The following CCKAR variants were observed in gnomAD, a reference collection of about 807,000 sequenced individuals.
CCKAR encodes the protein cholecystokinin receptor type A.
In CCKAR, 21 loss-of-function variants were observed where a neutral mutation model predicts 29.8. The ratio of observed to expected loss-of-function variants is 0.70; its 90% confidence interval spans 0.50 to 1.01. The LOEUF is 1.01. Among genes scored for constraint, CCKAR ranks in the 50% least tolerant of loss-of-function variants. The probability of loss-of-function intolerance (pLI) is 0.00; values close to 1 mark genes in which losing one functional copy is unlikely to be tolerated. For missense variants in CCKAR, 570 were observed against 560.6 expected (o/e 1.02, Z -0.17); for synonymous variants, 238 against 221.3 (o/e 1.08, Z -0.67).
chr4:26,481,902 G>A lies in CCKAR; in HGVS notation c.1023C>T (p.Ala341=). ...TTCCTGAGAGGCGGCGCTCTGCGGA[G>A]GCGGTGTCGTAGGCCCGCCAGGCGT... ...SANAWRAYDT[A]SAERRLSGTP... is the part of the protein sequence containing the mutation. The change falls in exon 5 of 5, where the codon GCC becomes GCT. Residue 341 remains alanine (A), a synonymous_variant. Coordinates refer to ENST00000295589, the MANE Select transcript of CCKAR (RefSeq NM_000730.3). 1 of 1,614,248 alleles carries A rather than the reference G, an allele frequency of 6.2e-7. No homozygotes were observed. Among genetic ancestry groups the A allele is most frequent in the Non-Finnish European group, 8.5e-7 (1 of 1,180,048 alleles).
chr4:26,482,285 G>T, intron 4 of CCKAR, 115 bp from the exon 5 acceptor site: 1 of 940,104 alleles, frequency 1.1e-6, no homozygotes, highest in Non-Finnish European at 1.6e-6. Context: ...CTGAGAAATG[G>T]CAGACAACCT....
At chr4:26,482,517 A>C (rs1247612269) in intron 4 of CCKAR, among the ~76,000 whole-genome samples, 1 of 152,204 alleles carries the variant, frequency 6.6e-6, no homozygotes, top group Non-Finnish European at 1.5e-5. Context: ...GATTGCTTTT[A>C]TGATGAGGAA....
In CCKAR at chr4:26,490,294, C is replaced by G; in HGVS notation, c.-27G>C. On this transcript the variant is annotated 5_prime_UTR_variant, in exon 1 of 5. Coordinates refer to ENST00000295589, the MANE Select transcript of CCKAR (RefSeq NM_000730.3). Reference sequence around the variant, plus strand: ...CTTGCCTGCTGCTTTCCACCAAGTGCTGGAGAGCTGGTGAATTGCTCACTC... The same window carrying G: ...CTTGCCTGCTGCTTTCCACCAAGTGGTGGAGAGCTGGTGAATTGCTCACTC... The G allele has an allele frequency of 7.0e-7, 1 of 1,436,924 alleles. No homozygotes were observed. Among genetic ancestry groups the G allele is most frequent in the Non-Finnish European group, 9.8e-7 (1 of 1,019,378 alleles). 89.0% of individuals were successfully genotyped at this position (1,436,924 alleles called of 1,614,324 possible).
chr4:26,489,617 C>T, intron 1 of CCKAR, 133 bp from the exon 2 acceptor site: 1 of 926,646 alleles, frequency 1.1e-6, no homozygotes. Flanking sequence ...CGATTCCTGT[C>T]CTGGCAACAT....
chr4:26,484,398 C>T (rs567146652), intron 3 of CCKAR, among the ~76,000 whole-genome samples: 86 of 152,128 alleles, frequency 5.7e-4, no homozygotes, highest in Non-Finnish European at 1.1e-3. Flanking sequence ...TGTCTAGTTC[C>T]CTGCTTCTAA....
rs1737535686 is a variant in CCKAR, at chr4:26,490,407, T to G, written c.-140A>C. The G allele has an allele frequency of 1.6e-6, 1 of 622,502 alleles. No individual in the cohort carries two copies. 38.6% of individuals were successfully genotyped at this position (622,502 alleles called of 1,614,324 possible). ...AGGGAGTGATTTCCAGGTGTGGGCT[T>G]TTTCAGCCATTCCTAAAGGCGACTT... On this transcript the variant is annotated 5_prime_UTR_variant, in exon 1 of 5. Transcript: ENST00000295589.
In CCKAR at chr4:26,481,772, A is replaced by G. The variant is rs1577705559; in HGVS notation, c.1153T>C (p.Phe385Leu). Residue 385 changes from phenylalanine to leucine, a missense_variant, in exon 5 of 5, where the codon TTC becomes CTC. Coordinates refer to ENST00000295589, the MANE Select transcript of CCKAR (RefSeq NM_000730.3). ...KRFRLGFMAT[F>L]PCCPNPGPPG... is the part of the protein sequence containing the mutation. Reference sequence around the variant, plus strand: ...GGACCAGGATTGGGGCAGCAGGGGAAGGTGGCCATGAAGCCGAGGCGGAAG... The same window carrying G: ...GGACCAGGATTGGGGCAGCAGGGGAGGGTGGCCATGAAGCCGAGGCGGAAG... 1 of 1,614,056 alleles carries G rather than the reference A, an allele frequency of 6.2e-7. No individual in the cohort carries two copies.
At chr4:26,489,039 C>T (rs149858248) in intron 2 of CCKAR, among the ~76,000 whole-genome samples, 194 bp downstream of exon 2, 6 of 152,002 alleles carry the variant, frequency 3.9e-5, no homozygotes, top group Admixed American at 2.0e-4. Flanking sequence ...TGATGGGGAC[C>T]GACTTGTGGG....
intron 3 of CCKAR, among the ~76,000 whole-genome samples, chr4:26,483,559 A>T (rs1407069758): frequency 2.0e-5 from 3 of 152,254 alleles, no homozygotes; most frequent in Non-Finnish European, 4.4e-5. Context: ...TATGAAAAAG[A>T]ATGTAAGCTT....
chr4:26,483,508 G>A (rs879441261), intron 3 of CCKAR, among the ~76,000 whole-genome samples: 6 of 152,080 alleles, frequency 3.9e-5, no homozygotes, highest in Non-Finnish European at 8.8e-5. Context: ...TAGTTTAATT[G>A]GAAAAGTTTG....
Position 26,481,888 on chromosome 4 carries a change from C to G in CCKAR, c.1037G>C (p.Arg346Pro). The change falls in exon 5 of 5, where the codon CGC becomes CCC. Residue 346 changes from arginine to proline, a missense_variant. Coordinates refer to ENST00000295589, the MANE Select transcript of CCKAR (RefSeq NM_000730.3). ...RAYDTASAER[R>P]LSGTPISFIL... ...GAAGGAAATGGGGGTTCCTGAGAGG[C>G]GGCGCTCTGCGGAGGCGGTGTCGTA... The G allele has an allele frequency of 6.2e-7, 1 of 1,614,134 alleles. No homozygotes were observed. The highest frequency in any genetic ancestry group is 8.5e-7 in the Non-Finnish European group (1 of 1,179,984).
Position 26,485,791 on chromosome 4 carries a change from C to A in CCKAR, c.472G>T (p.Ala158Ser), listed in dbSNP as rs375783154. ...QSRVWQTKSHALKVIAATWCL... is the reference protein window; with the variant it reads ...QSRVWQTKSHSLKVIAATWCL... ...CAGGTAGCAGCAATCACCTTCAAAG[C>A]ATGGGATTTTGTCTGCCAGACCCGG... The change falls in exon 3 of 5, where the codon GCT becomes TCT. Residue 158 changes from alanine to serine, a missense_variant. Ala to Ser is a moderately conservative substitution (Grantham distance 99). Transcript: ENST00000295589. 3.7e-6 allele frequency: 6 copies of A among 1,613,984 alleles called. 1 individual carries two copies. Among genetic ancestry groups the A allele is most frequent in the Non-Finnish European group, 5.1e-6 (6 of 1,180,022 alleles).
chr4:26,482,070 C>T lies in CCKAR; in HGVS notation c.855G>A (p.Leu285=). The change falls in exon 5 of 5, where the codon CTG becomes CTA. Residue 285 remains leucine (L), a synonymous_variant. Transcript: ENST00000295589. ...RPPRKLELRQ[L]STGSSSRANR... ...TGGCCCTGCTGCTGCTGCCGGTGGA[C>T]AGCTGCCGGAGCTCCAGCTTCCTCG... 1.2e-6 allele frequency: 2 copies of T among 1,614,214 alleles called. No individual in the cohort carries two copies.
Position 26,489,261 on chromosome 4 carries a change from G to T in CCKAR, c.336C>A (p.Ala112=). ...TGAAGTAGGTGGTGGTCTTGCAAAC[G>T]GCGCTCCCGAAGATGAAATCCTTGA... ...NLLKDFIFGS[A]VCKTTTYFMG... The change falls in exon 2 of 5, where the codon GCC becomes GCA. Residue 112 remains alanine, a synonymous_variant. Transcript: ENST00000295589. 6.2e-7 allele frequency: 1 copy of T among 1,614,104 alleles called. No homozygotes were observed. The highest frequency in any genetic ancestry group is 8.5e-7 in the Non-Finnish European group (1 of 1,180,024).
rs1329261089 is a variant in CCKAR, at chr4:26,481,451, T to C, written c.*187A>G. 1 of 653,502 alleles carries C rather than the reference T, an allele frequency of 1.5e-6. No individual in the cohort carries two copies. The highest frequency in any genetic ancestry group is 2.6e-6 in the Non-Finnish European group (1 of 379,938). The allele number at this position is 653,502 out of a possible 1,614,324, so 40.5% of individuals were successfully genotyped here. The stretch of plus-strand genomic sequence containing the variant: ...CTTTGAACTGCCTAGAAACCAATCA[T>C]GGCCCCACTGGAGCAGTGCTCTGGA... On this transcript the variant is annotated 3_prime_UTR_variant, in exon 5 of 5. Transcript: ENST00000295589.
chr4:26,484,820 T>A (rs1233051846), intron 3 of CCKAR, among the ~76,000 whole-genome samples: 3 of 139,908 alleles, frequency 2.1e-5, no homozygotes, highest in Non-Finnish European at 3.0e-5. Flanking sequence ...GGCGGGAGGA[T>A]CACTTGAGCC....
chr4:26,481,527 G>T lies in CCKAR; in HGVS notation c.*111C>A. On this transcript the variant is annotated 3_prime_UTR_variant, in exon 5 of 5. Transcript: ENST00000295589. Reference sequence around the variant, plus strand: ...CCTTGAAGAGTTCCCACTGGAGATGGAGCCTTCCTTCTCCATCAGCTCTGC... The same window carrying T: ...CCTTGAAGAGTTCCCACTGGAGATGTAGCCTTCCTTCTCCATCAGCTCTGC... 1.7e-6 allele frequency: 2 copies of T among 1,185,096 alleles called. No individual in the cohort carries two copies. Among genetic ancestry groups the T allele is most frequent in the Non-Finnish European group, 2.5e-6 (2 of 815,410 alleles). The allele number at this position is 1,185,096 out of a possible 1,614,324, so 73.4% of individuals were successfully genotyped here.
chr4:26,485,192 C>T (rs1206259321), intron 3 of CCKAR, among the ~76,000 whole-genome samples: 12 of 121,190 alleles, frequency 9.9e-5, no homozygotes, highest in Non-Finnish European at 1.6e-5. Flanking sequence ...AAAATTCCGT[C>T]TCAAAAAAAA....
At chr4:26,487,425 C>A (rs3756210) in intron 2 of CCKAR, among the ~76,000 whole-genome samples, 1 of 152,088 alleles carries the variant, frequency 6.6e-6, no homozygotes, top group Non-Finnish European at 1.5e-5. Context: ...GTGAAGAGTA[C>A]GGCCCAAAAA....
Sources: allele counts gnomAD v4.1 joint callset (sites outside exome capture counted in the v4.1 genomes callset), GRCh38; gene constraint gnomAD v4.1.1; transcripts MANE v1.5; gene names NCBI Gene and HGNC (gene_info 2026-07-23, HGNC 2026-07-21).